CSNK2A2: variants seen among roughly 807,000 people sequenced by gnomAD.
CSNK2A2 encodes the protein casein kinase 2 alpha 2.
A neutral mutation model predicts 54.0 loss-of-function variants in CSNK2A2; 8 were observed. The observed-to-expected ratio is 0.15, with a 90% CI of 0.09 to 0.27. CSNK2A2 has a LOEUF of 0.27. Ranked by LOEUF, CSNK2A2 falls within the 10% of genes least tolerant of loss-of-function variation. CSNK2A2 has a pLI of 1.00. For synonymous variants in CSNK2A2, 141 were observed against 153.9 expected (o/e 0.92, Z 0.62); for missense variants, 242 against 439.4 (o/e 0.55, Z 4.02).
intron 6 of CSNK2A2, among the ~76,000 whole-genome samples, chr16:58,168,090 G>A (rs1961618804): frequency 6.6e-6 from 1 of 152,044 alleles, no homozygotes; most frequent in Non-Finnish European, 1.5e-5. Context: ...GTTACACTTG[G>A]TAACACATTC....
intron 4 of CSNK2A2, among the ~76,000 whole-genome samples, chr16:58,183,371 C>T (rs943163845): frequency 6.8e-6 from 1 of 147,244 alleles, no homozygotes; most frequent in African/African-American, 2.5e-5. Context: ...AAGCGAAACT[C>T]GATCTCAAAA....
chr16:58,171,975 ATATATTTTTTTTT>A (rs1213298203), intron 5 of CSNK2A2, among the ~76,000 whole-genome samples: 1 of 36,166 alleles, frequency 2.8e-5, no homozygotes, highest in Non-Finnish European at 4.8e-5. Context: ...ATATATATAT[ATATATTTTTTTTT>A]TTTTTTTTTT....
At chr16:58,161,292 G>A (rs1285335782) in intron 11 of CSNK2A2, 1 of 152,182 alleles carries the variant, frequency 6.6e-6, no homozygotes, top group African/African-American at 2.4e-5. Flanking sequence ...CCAGGTCTAT[G>A]TTCTTGAACA....
chr16:58,173,612 T>C (rs1044594002), intron 5 of CSNK2A2, among the ~76,000 whole-genome samples: 4 of 152,182 alleles, frequency 2.6e-5, no homozygotes, highest in African/African-American at 9.7e-5. Context: ...TTAGACATTC[T>C]ACCCATCACT....
intron 4 of CSNK2A2, 91 bp from the exon 5 acceptor site, chr16:58,174,601 C>A: frequency 1.1e-6 from 1 of 906,582 alleles, no homozygotes. Context: ...TTATTTGATA[C>A]TTAAGTGACT....
chr16:58,162,353 A>G (rs1203911576), intron 11 of CSNK2A2: 1 of 152,240 alleles, frequency 6.6e-6, no homozygotes, highest in African/African-American at 2.4e-5. Context: ...CAATGCAAGC[A>G]GGCAGCATTG....
chr16:58,166,090 G>C (rs1348449022), intron 9 of CSNK2A2, among the ~76,000 whole-genome samples: 1 of 152,172 alleles, frequency 6.6e-6, no homozygotes, highest in African/African-American at 2.4e-5. Flanking sequence ...AATACTGTTT[G>C]AAAACTGTTA....
chr16:58,174,276 C>G (rs931945204), intron 5 of CSNK2A2, 175 bp downstream of exon 5: 6 of 522,722 alleles, frequency 1.1e-5, no homozygotes, highest in Non-Finnish European at 1.7e-5. Context: ...CCCAGTTCCA[C>G]TGGAAAGTTT....
At chr16:58,163,367 G>A (rs1258517750) in intron 11 of CSNK2A2, 4 of 152,018 alleles carry the variant, frequency 2.6e-5, no homozygotes, top group Non-Finnish European at 5.9e-5. Context: ...ACTTAGCATG[G>A]AACTTTTGAT....
intron 5 of CSNK2A2, among the ~76,000 whole-genome samples, chr16:58,170,109 G>A (rs1239635435): frequency 6.6e-6 from 1 of 152,008 alleles, no homozygotes; most frequent in African/African-American, 2.4e-5. Flanking sequence ...TGATTGATAT[G>A]CAGATAAGAT....
chr16:58,178,632 T>TA (rs763919342), intron 4 of CSNK2A2, among the ~76,000 whole-genome samples: 85 of 152,296 alleles, frequency 5.6e-4, no homozygotes, highest in Non-Finnish European at 9.6e-4. Flanking sequence ...GTCCAACTCT[T>TA]AGAGACTGAC....
intron 4 of CSNK2A2, among the ~76,000 whole-genome samples, chr16:58,181,544 TCA>T (rs1962041820): frequency 6.6e-6 from 1 of 150,768 alleles, no homozygotes; most frequent in Admixed American, 6.6e-5. Context: ...TAACAAAAAC[TCA>T]CACACAAAGA....
intron 2 of CSNK2A2, among the ~76,000 whole-genome samples, chr16:58,195,355 T>C (rs994181667): frequency 1.3e-5 from 2 of 152,174 alleles, no homozygotes; most frequent in African/African-American, 4.8e-5. Flanking sequence ...ATCACTAGGC[T>C]AGGATGTTTT....
intron 2 of CSNK2A2, among the ~76,000 whole-genome samples, chr16:58,194,238 G>T (rs1350581913): frequency 6.6e-6 from 1 of 152,210 alleles, no homozygotes; most frequent in Non-Finnish European, 1.5e-5. Context: ...CTGGTAGTCT[G>T]TTAAGGACCT....
rs565051198 is a variant in CSNK2A2, at chr16:58,197,026, C to T, written c.105-182G>A. ...TCTTGGCTCCCTTCACTCTGCAGAG[C>T]TCCTAACCTAATTGGTCTCTCCTAA... is the stretch of plus-strand genomic sequence containing the variant. On this transcript the variant is annotated intron_variant, in intron 1 of 11. Coordinates refer to ENST00000262506, the MANE Select transcript of CSNK2A2 (RefSeq NM_001896.4). This position sits in a 1 kb window ranked among gnomAD's most constrained non-coding sequence, Gnocchi z 4.0. 23 of 587,938 alleles carry T rather than the reference C, an allele frequency of 3.9e-5. No individual in the cohort carries two copies. The South Asian group carries it at 4.2e-4, about 11-fold the overall frequency. 36.4% of individuals were successfully genotyped at this position (587,938 alleles called of 1,614,324 possible). A position where few individuals can be genotyped will look rare whatever the true frequency, so the allele number is the denominator to read the frequency against.
chr16:58,172,947 G>A (rs1428556426), intron 5 of CSNK2A2, among the ~76,000 whole-genome samples: 2 of 152,154 alleles, frequency 1.3e-5, no homozygotes, highest in Admixed American at 1.3e-4. Flanking sequence ...GGACCTAAGG[G>A]CAGGCTAGCT....
intron 5 of CSNK2A2, among the ~76,000 whole-genome samples, chr16:58,170,944 C>T (rs1961718132): frequency 6.6e-6 from 1 of 152,106 alleles, no homozygotes; most frequent in African/African-American, 2.4e-5. Flanking sequence ...CTGAATCCTA[C>T]ACAAGGTCAA....
At chr16:58,162,239 T>G (rs563918608) in intron 11 of CSNK2A2, 1 of 152,312 alleles carries the variant, frequency 6.6e-6, no homozygotes, top group South Asian at 2.1e-4. Flanking sequence ...TCTCAAACAC[T>G]GAGTTTTGCT....
At chr16:58,182,644 C>T (rs370429164) in intron 4 of CSNK2A2, among the ~76,000 whole-genome samples, 2 of 151,842 alleles carry the variant, frequency 1.3e-5, no homozygotes, top group East Asian at 3.9e-4. Flanking sequence ...ATTAACGAAG[C>T]CCAGGCATTT....
Sources: allele counts gnomAD v4.1 joint callset (sites outside exome capture counted in the v4.1 genomes callset), GRCh38; gene constraint gnomAD v4.1.1; non-coding constraint Gnocchi (gnomAD v3.1); transcripts MANE v1.5; gene names NCBI Gene and HGNC (gene_info 2026-07-23, HGNC 2026-07-21).